The following ATAD5 variants were observed in gnomAD, a reference collection of about 807,000 sequenced individuals.
The protein encoded by ATAD5 is ATPase family AAA domain-containing protein 5.
ATAD5 carries 58 observed loss-of-function variants against 176.9 expected under a neutral mutation model. That is an observed-to-expected ratio of 0.33 (90% confidence interval 0.27 to 0.41). The LOEUF (loss-of-function observed/expected upper bound fraction) is 0.41. Ranked by LOEUF, ATAD5 falls within the 10% of genes least tolerant of loss-of-function variation. The pLI, the probability that ATAD5 is intolerant of heterozygous loss-of-function variation, is 1.00. For synonymous variants in ATAD5, 640 were observed against 712.6 expected (o/e 0.90, Z 1.62); for missense variants, 1,789 against 2,094.1 (o/e 0.85, Z 2.84).
Position 30,855,207 on chromosome 17 carries a change from A to T in ATAD5, c.2515A>T (p.Met839Leu). Reference sequence around the variant, plus strand: ...ATGTAAAGCAAAGCGTGACTTCCTAATGAGTGGTTTGCCAGATTTGTTGAA... The same window carrying T: ...ATGTAAAGCAAAGCGTGACTTCCTATTGAGTGGTTTGCCAGATTTGTTGAA... Reference protein sequence around the residue: ...VQCKAKRDFLMSGLPDLLKRQ... With the variant: ...VQCKAKRDFLLSGLPDLLKRQ... Residue 839 changes from methionine (M) to leucine (L), a missense_variant, in exon 7 of 23, where the codon ATG becomes TTG. Coordinates refer to ENST00000321990, the MANE Select transcript of ATAD5 (RefSeq NM_024857.5). 2 of 1,614,150 alleles carry T rather than the reference A, an allele frequency of 1.2e-6. No individual in the cohort carries two copies. Among genetic ancestry groups the T allele is most frequent in the Admixed American group, 1.7e-5 (1 of 60,012 alleles).
chr17:30,874,214 A>G (rs1389665185), intron 14 of ATAD5, among the ~76,000 whole-genome samples: 3 of 150,288 alleles, frequency 2.0e-5, no homozygotes, highest in African/African-American at 7.3e-5. Flanking sequence ...TTCATACATG[A>G]TCAAGCAGTC....
chr17:30,833,384 C>T (rs1877933766), intron 1 of ATAD5, among the ~76,000 whole-genome samples: 1 of 152,114 alleles, frequency 6.6e-6, no homozygotes, highest in African/African-American at 2.4e-5. Context: ...TGATACTTAC[C>T]ATTTAATATG....
At chr17:30,833,687 T>C (rs971034436) in intron 1 of ATAD5, among the ~76,000 whole-genome samples, 4 of 152,200 alleles carry the variant, frequency 2.6e-5, no homozygotes, top group Non-Finnish European at 5.9e-5. Flanking sequence ...GTATGGTTTC[T>C]TTTTGTTTTT....
rs541967769 is a variant in ATAD5 at position 30,858,487 on chromosome 17, G to A, written c.2956+164G>A. On this transcript the variant is annotated intron_variant, in intron 9 of 22. Coordinates refer to ENST00000321990, the MANE Select transcript of ATAD5 (RefSeq NM_024857.5). ...TGCAACCTCTGCTTCCTGGGTTCAAGTGATTCTCCTGCCTCAGCCTCCTGA... is the reference window on the plus strand; with the variant it reads ...TGCAACCTCTGCTTCCTGGGTTCAAATGATTCTCCTGCCTCAGCCTCCTGA... 2.0e-5 allele frequency among the ~76,000 whole-genome samples: 3 copies of A among 152,256 alleles called. No individual in the cohort carries two copies. The East Asian group carries it at 5.8e-4, about 29-fold the overall frequency.
chr17:30,844,893 T>A lies in ATAD5; in HGVS notation c.2427T>A (p.Pro809=), dbSNP rs781577637. 1 of 1,584,216 alleles carries A rather than the reference T, an allele frequency of 6.3e-7. No individual in the cohort carries two copies. The highest frequency in any genetic ancestry group is 2.0e-5 in the Admixed American group (1 of 48,942). ...LVRKAQKAAD[P]VPSFDESSQD... ...GAAAAGCACAAAAAGCAGCTGATCC[T>A]GTCCCTAGTTTTGATGAAAGCAGGT... Residue 809 remains proline (P), a synonymous_variant, in exon 6 of 23, where the codon CCT becomes CCA. Transcript: ENST00000321990.
chr17:30,888,496 A>G (rs1416894563), intron 19 of ATAD5, among the ~76,000 whole-genome samples: 2 of 152,068 alleles, frequency 1.3e-5, no homozygotes, highest in African/African-American at 2.4e-5. Flanking sequence ...GTGAGCCAAG[A>G]TCACGCCACT....
Position 30,858,166 on chromosome 17 carries a change from G to T in ATAD5, c.2799G>T (p.Met933Ile). 6.5e-7 allele frequency: 1 copy of T among 1,545,640 alleles called. No individual in the cohort carries two copies. The highest frequency in any genetic ancestry group is 1.3e-5 in the South Asian group (1 of 78,840). The change falls in exon 9 of 23, where the codon ATG (methionine) becomes ATT (isoleucine). Residue 933 changes from methionine (M) to isoleucine (I), a missense_variant. Physicochemically the swap from Met to Ile is conservative, Grantham distance 10. Transcript: ENST00000321990. ...CATTTTATTCTTTATTGCAGTTCATGAGGACAAGGAAGGAATTTACTGAAG... is the reference window on the plus strand; with the variant it reads ...CATTTTATTCTTTATTGCAGTTCATTAGGACAAGGAAGGAATTTACTGAAG... ...LKSGNSAAVF[M>I]RTRKEFTEEV... is the part of the protein sequence containing the mutation.
In ATAD5 at chr17:30,894,990, T is replaced by C. The variant is rs1909834674; in HGVS notation, c.*77T>C. On this transcript the variant is annotated 3_prime_UTR_variant, in exon 23 of 23. Transcript: ENST00000321990. ...CATTTTTATATTATGTGGATCTTCA[T>C]GGAAAAGTATATTTCTCGATGTACA... 1 of 924,986 alleles carries C rather than the reference T, an allele frequency of 1.1e-6. No homozygotes were observed. The highest frequency in any genetic ancestry group is 1.6e-6 in the Non-Finnish European group (1 of 643,398). The allele number at this position is 924,986 out of a possible 1,614,324, so 57.3% of individuals were successfully genotyped here. A position where few individuals can be genotyped will look rare whatever the true frequency, so the allele number is the denominator to read the frequency against.
intron 10 of ATAD5, among the ~76,000 whole-genome samples, chr17:30,863,250 TGGTAGCA>T (rs1198639660): frequency 6.6e-5 from 10 of 152,090 alleles, no homozygotes; most frequent in African/African-American, 2.2e-4. Flanking sequence ...GGCTGGACTG[TGGTAGCA>T]TGATCTGGAC....
chr17:30,888,750 A>G (rs1909458523), intron 19 of ATAD5, among the ~76,000 whole-genome samples: 1 of 152,030 alleles, frequency 6.6e-6, no homozygotes, highest in African/African-American at 2.4e-5. Flanking sequence ...AGCTTTTAAG[A>G]TGATCTCATT....
chr17:30,877,451 C>G lies in ATAD5; in HGVS notation c.3820C>G (p.Gln1274Glu), dbSNP rs1908739413. The change falls in exon 16 of 23, where the codon CAG becomes GAG. Residue 1274 changes from glutamine to glutamate, a missense_variant. By Grantham distance (29) the Gln-to-Glu change is conservative. Coordinates refer to ENST00000321990, the MANE Select transcript of ATAD5 (RefSeq NM_024857.5). Reference sequence around the variant, plus strand: ...TTCTTTTGAACAGAAACAAATTACTCAGACTAAATCTACAAATGCAACTAA... The same window carrying G: ...TTCTTTTGAACAGAAACAAATTACTGAGACTAAATCTACAAATGCAACTAA... ...KNSFEQKQIT[Q>E]TKSTNATNSN... The G allele has an allele frequency of 6.4e-7, 1 of 1,559,862 alleles. No homozygotes were observed. Among genetic ancestry groups the G allele is most frequent in the Non-Finnish European group, 8.8e-7 (1 of 1,137,254 alleles).
intron 18 of ATAD5, among the ~76,000 whole-genome samples, chr17:30,882,249 T>C (rs1597993247): frequency 7.1e-6 from 1 of 141,318 alleles, no homozygotes; most frequent in Non-Finnish European, 1.5e-5. Context: ...AGAGCGAAAC[T>C]CCATCTGAAA....
At chr17:30,890,130 C>T (rs1028311001) in intron 19 of ATAD5, among the ~76,000 whole-genome samples, 10 of 151,876 alleles carry the variant, frequency 6.6e-5, no homozygotes, top group Non-Finnish European at 1.2e-4. Flanking sequence ...CTCAAGTGAT[C>T]CGCCCCTCTT....
intron 9 of ATAD5, 73 bp from the exon 10 acceptor site, chr17:30,860,360 C>T: frequency 6.7e-7 from 1 of 1,488,042 alleles, no homozygotes; most frequent in Non-Finnish European, 9.1e-7. Flanking sequence ...CTATTGGATA[C>T]TTGGAAGTGA....
chr17:30,889,886 C>CTTTTTTTTTTTTTTT (rs60266614), intron 19 of ATAD5, among the ~76,000 whole-genome samples: 35 of 95,686 alleles, frequency 3.7e-4, no homozygotes, highest in African/African-American at 4.8e-4. Context: ...TCTTTTCTTT[C>CTTTTTTTTTTTTTTT]TTTTTTTTTT....
At chr17:30,890,418 C>CTTT (rs968126768) in intron 19 of ATAD5, among the ~76,000 whole-genome samples, 129 of 106,716 alleles carry the variant, frequency 1.2e-3, no homozygotes, top group Non-Finnish European at 1.6e-3. Context: ...CTCTTCTTTT[C>CTTT]TTTTTTTTTT....
At chr17:30,866,770 G>A (rs1299529259) in intron 11 of ATAD5, among the ~76,000 whole-genome samples, 1 of 151,998 alleles carries the variant, frequency 6.6e-6, no homozygotes, top group Non-Finnish European at 1.5e-5. Flanking sequence ...AGCCGAGGTC[G>A]TGCCAGTGCA....
rs775258390 is a variant in ATAD5 at position 30,894,023 on chromosome 17, A to G, written c.5170A>G (p.Ile1724Val). The G allele has an allele frequency of 6.2e-6, 10 of 1,613,320 alleles. No homozygotes were observed. Among genetic ancestry groups the G allele is most frequent in the Non-Finnish European group, 8.5e-6 (10 of 1,179,504 alleles). ...ALSFTKCSSA[I>V]SKALETLNSC... ...CAGCTTTACTAAATGTTCTTCTGCTATTTCAAAAGCATTGGAAACCTTGAA... is the reference window on the plus strand; with the variant it reads ...CAGCTTTACTAAATGTTCTTCTGCTGTTTCAAAAGCATTGGAAACCTTGAA... Residue 1724 changes from isoleucine to valine, a missense_variant, in exon 21 of 23, where the codon ATT becomes GTT. This residue lies in a region of ATAD5 where 403 missense variants were observed against 495.1 expected (regional missense o/e 0.81). Transcript: ENST00000321990.
At chr17:30,873,538 G>A (rs896739673) in intron 14 of ATAD5, among the ~76,000 whole-genome samples, 6 of 151,962 alleles carry the variant, frequency 3.9e-5, no homozygotes, top group Middle Eastern at 6.8e-3. Context: ...GGCTGGTCTC[G>A]AACTCCTAAC....
Sources: allele counts gnomAD v4.1 joint callset (sites outside exome capture counted in the v4.1 genomes callset), GRCh38; gene constraint gnomAD v4.1.1; regional missense constraint gnomAD v4.1.1; transcripts MANE v1.5; gene names NCBI Gene and HGNC (gene_info 2026-07-23, HGNC 2026-07-21).